SYNE1: variants seen among roughly 807,000 people sequenced by gnomAD.
SYNE1 encodes the protein nesprin-1.
Under a neutral mutation model 1,111.0 loss-of-function variants are expected in SYNE1, and 616 were observed. That is an observed-to-expected ratio of 0.55 (90% CI 0.52 to 0.59). The LOEUF is 0.59. Ranked by LOEUF, SYNE1 falls within the 20% of genes least tolerant of loss-of-function variation. The pLI is 0.00. For missense variants in SYNE1, 10,006 were observed against 10,417.0 expected (o/e 0.96, Z 1.72); for synonymous variants, 3,855 against 3,825.8 (o/e 1.01, Z -0.28).
chr6:152,275,904 T>A (rs560841391), intron 98 of SYNE1, among the ~76,000 whole-genome samples: 64 of 148,504 alleles, frequency 4.3e-4, no homozygotes, highest in Non-Finnish European at 7.9e-4. Flanking sequence ...CAAAAAAAAA[T>A]CCACACACAT....
At chr6:152,555,513 C>G (rs1190891037) in intron 3 of SYNE1, among the ~76,000 whole-genome samples, 1 of 152,136 alleles carries the variant, frequency 6.6e-6, no homozygotes, top group African/African-American at 2.4e-5. Context: ...TGTAAGTACC[C>G]TCTATGATGT....
chr6:152,126,772 G>C (rs1204760633), intron 145 of SYNE1: 1 of 152,170 alleles, frequency 6.6e-6, no homozygotes, highest in Non-Finnish European at 1.5e-5. Flanking sequence ...CCCTTCAAAA[G>C]AAAGTGTGTA....
rs1257556708 is a variant in SYNE1, at chr6:152,435,975, G to C, written c.4276C>G (p.Gln1426Glu). Reference sequence around the variant, plus strand: ...AGCGTGTCTTCTAATTTTTTGACTTGTTCTTTGATTGACTTGGCCTGCTGT... The same window carrying C: ...AGCGTGTCTTCTAATTTTTTGACTTCTTCTTTGATTGACTTGGCCTGCTGT... ...LQQQAKSIKE[Q>E]VKKLEDTLEE... Residue 1426 changes from glutamine (Q) to glutamate (E), a missense_variant, in exon 33 of 146, where the codon CAA becomes GAA. This residue lies in a region of SYNE1 where 1,971 missense variants were observed against 2,084.1 expected (regional missense o/e 0.95). Transcript: ENST00000367255. 2 of 1,614,068 alleles carry C rather than the reference G, an allele frequency of 1.2e-6. No homozygotes were observed. Among genetic ancestry groups the C allele is most frequent in the Non-Finnish European group, 1.7e-6 (2 of 1,179,988 alleles).
intron 83 of SYNE1, 105 bp downstream of exon 83, chr6:152,321,616 T>A (rs1393571833): frequency 6.9e-7 from 1 of 1,456,904 alleles, no homozygotes; most frequent in Non-Finnish European, 9.5e-7. Flanking sequence ...ACTTCTGAAA[T>A]TTTTTAATTC....
In SYNE1 at chr6:152,354,672, A is replaced by G. The variant is rs776550255; in HGVS notation, c.10913T>C (p.Leu3638Ser). The change falls in exon 67 of 146, where the codon TTA becomes TCA. Residue 3638 changes from leucine (L) to serine (S), a missense_variant. This residue lies in a region of SYNE1 where 4,955 missense variants were observed against 5,017.2 expected (regional missense o/e 0.99). Transcript: ENST00000367255. ...CATGAGTTGTACCTTCATCTGATGT[A>G]ATTGTATCTCCTTGGTTGCCCTGTT... ...QSNRATKEIQ[L>S]HQMKKWHEEV... 6.2e-7 allele frequency: 1 copy of G among 1,614,200 alleles called. No individual in the cohort carries two copies. Among genetic ancestry groups the G allele is most frequent in the Non-Finnish European group, 8.5e-7 (1 of 1,180,028 alleles).
rs1439404297 is a variant in SYNE1 at position 152,461,622 on chromosome 6, G to A, written c.2369C>T (p.Ser790Leu). The change falls in exon 21 of 146, where the codon TCA (serine) becomes TTA (leucine). Residue 790 changes from serine to leucine, a missense_variant. By Grantham distance (145) the Ser-to-Leu change is moderately radical. Coordinates refer to ENST00000367255, the MANE Select transcript of SYNE1 (RefSeq NM_182961.4). ...CTTGGTTAGCTGCTCTTTGAGCTTT[G>A]ACATGGTCGCAAACATTTCTTTTCC... is the stretch of plus-strand genomic sequence containing the variant. Reference protein sequence around the residue: ...EEGKEMFATMSKLKEQLTKVK... With the variant: ...EEGKEMFATMLKLKEQLTKVK... The A allele has an allele frequency of 6.2e-7, 1 of 1,613,962 alleles. No individual in the cohort carries two copies. The highest frequency in any genetic ancestry group is 1.7e-5 in the Admixed American group (1 of 59,990).
chr6:152,576,601 C>T (rs1444838317), intron 3 of SYNE1, among the ~76,000 whole-genome samples: 4 of 152,132 alleles, frequency 2.6e-5, no homozygotes, highest in Admixed American at 6.5e-5. Flanking sequence ...TTCCAAGTGA[C>T]ACAGGGGCAC....
chr6:152,410,992 G>A (rs1471856064), intron 42 of SYNE1, among the ~76,000 whole-genome samples: 3 of 152,094 alleles, frequency 2.0e-5, no homozygotes, highest in African/African-American at 7.2e-5. Flanking sequence ...TAATAATATG[G>A]AATAAAGTTT....
chr6:152,319,196 T>C (rs1374186781), intron 84 of SYNE1, among the ~76,000 whole-genome samples, 181 bp from the exon 85 acceptor site: 1 of 152,248 alleles, frequency 6.6e-6, no homozygotes, highest in East Asian at 1.9e-4. Context: ...TCACTATCTT[T>C]AAGTATTTAC....
intron 91 of SYNE1, among the ~76,000 whole-genome samples, chr6:152,305,940 C>T (rs2095359171): frequency 6.6e-6 from 1 of 152,126 alleles, no homozygotes; most frequent in Non-Finnish European, 1.5e-5. Context: ...AGACATAGTC[C>T]ACTGCTGACT....
intron 128 of SYNE1, chr6:152,185,560 T>C (rs1293213753): frequency 1.3e-5 from 2 of 152,246 alleles, no homozygotes; most frequent in African/African-American, 4.8e-5. Context: ...TAAACTCTCA[T>C]TGGTTTAAAT....
At position 152,189,286 on chromosome 6, in the gene SYNE1, A is replaced by G. The variant is rs1156676145; in HGVS notation, c.23267T>C (p.Leu7756Pro). 1.2e-6 allele frequency: 2 copies of G among 1,613,926 alleles called. No individual in the cohort carries two copies. The highest frequency in any genetic ancestry group is 1.7e-5 in the Admixed American group (1 of 59,984). The stretch of plus-strand genomic sequence containing the variant: ...TAGTTCTTCCCACTGCCTTTGCAGA[A>G]GCTCTACGCGTTCATTAAGAATGGA... Reference protein sequence around the residue: ...DISILNERVELLQRQWEELCH... With the variant: ...DISILNERVEPLQRQWEELCH... Residue 7756 changes from leucine (L) to proline (P), a missense_variant, in exon 128 of 146, where the codon CTT becomes CCT. Physicochemically the swap from Leu to Pro is moderately conservative, Grantham distance 98. Around this residue, in one of 7 missense-constraint regions of SYNE1, gnomAD observed 2,182 missense variants for 2,287.8 expected, o/e 0.95. Transcript: ENST00000367255.
At chr6:152,295,615 GACAC>G (rs57149645) in intron 93 of SYNE1, among the ~76,000 whole-genome samples, 7,470 of 150,548 alleles carry the variant, frequency 0.05, 196 homozygotes, top group Non-Finnish European at 0.067. Context: ...GTGTGTTACT[GACAC>G]ACACACACAC....
At chr6:152,433,125 A>C (rs1301344488) in intron 34 of SYNE1, among the ~76,000 whole-genome samples, 1 of 151,888 alleles carries the variant, frequency 6.6e-6, no homozygotes, top group Non-Finnish European at 1.5e-5. Context: ...AAAGTGGCTG[A>C]ATTTTGAAAA....
At chr6:152,238,504 G>A (rs1490071031) in intron 108 of SYNE1, among the ~76,000 whole-genome samples, 1 of 152,054 alleles carries the variant, frequency 6.6e-6, no homozygotes, top group Non-Finnish European at 1.5e-5. Flanking sequence ...CAAAATATAG[G>A]GAATTCCACA....
chr6:152,462,788 G>T lies in SYNE1; in HGVS notation c.2200C>A (p.Pro734Thr). ...ATEAHKKLSE[P>T]LEVSFMNVKL... Reference sequence around the variant, plus strand: ...ACATTCATAAAAGAGACTTCTAAGGGTTCAGAAAGTTTCTTATGGGCTTCC... The same window carrying T: ...ACATTCATAAAAGAGACTTCTAAGGTTTCAGAAAGTTTCTTATGGGCTTCC... The change falls in exon 20 of 146, where the codon CCC becomes ACC. Residue 734 changes from proline (P) to threonine (T), a missense_variant. This residue lies in a region of SYNE1 where 1,971 missense variants were observed against 2,084.1 expected (regional missense o/e 0.95). Transcript: ENST00000367255. 2 of 1,613,978 alleles carry T rather than the reference G, an allele frequency of 1.2e-6. No homozygotes were observed. Among genetic ancestry groups the T allele is most frequent in the Non-Finnish European group, 8.5e-7 (1 of 1,179,932 alleles).
chr6:152,135,310 C>T (rs2056803665), intron 141 of SYNE1, 78 bp from the exon 142 acceptor site: 1 of 1,496,424 alleles, frequency 6.7e-7, no homozygotes, highest in African/African-American at 1.4e-5. Context: ...TCAACTGCCA[C>T]CATTAGCAAA....
chr6:152,629,411 A>G (rs1222525973), intron 2 of SYNE1, among the ~76,000 whole-genome samples: 6 of 150,268 alleles, frequency 4.0e-5, no homozygotes, highest in Admixed American at 6.7e-5. Context: ...TCACCATGTT[A>G]GCCAGACTCG....
At chr6:152,536,808 T>C (rs1014726254) in intron 4 of SYNE1, among the ~76,000 whole-genome samples, 1 of 152,104 alleles carries the variant, frequency 6.6e-6, no homozygotes, top group African/African-American at 2.4e-5. Flanking sequence ...ATCTTTTCAG[T>C]CTATCCATTT....
Sources: allele counts gnomAD v4.1 joint callset (sites outside exome capture counted in the v4.1 genomes callset), GRCh38; gene constraint gnomAD v4.1.1; regional missense constraint gnomAD v4.1.1; transcripts MANE v1.5; gene names NCBI Gene and HGNC (gene_info 2026-07-23, HGNC 2026-07-21).